The following ST8SIA2 variants were observed in gnomAD, a reference collection of about 807,000 sequenced individuals.
ST8SIA2 encodes the protein alpha-2,8-sialyltransferase 8B.
A neutral mutation model predicts 37.6 loss-of-function variants in ST8SIA2; 22 were observed. That is an observed-to-expected ratio of 0.58 (90% CI 0.42 to 0.83). The LOEUF is 0.83. Ranked by LOEUF, ST8SIA2 falls within the 40% of genes least tolerant of loss-of-function variation. The probability of loss-of-function intolerance (pLI) is 0.00; values close to 1 mark genes in which losing one functional copy is unlikely to be tolerated. For missense variants in ST8SIA2, 382 were observed against 484.7 expected (o/e 0.79, Z 1.99); for synonymous variants, 205 against 201.2 (o/e 1.02, Z -0.16).
intron 1 of ST8SIA2, among the ~76,000 whole-genome samples, chr15:92,417,214 C>G (rs990234449): frequency 1.3e-5 from 2 of 152,242 alleles, no homozygotes; most frequent in African/African-American, 4.8e-5. Flanking sequence ...CTCCAGTCCC[C>G]TCTGCCGGTG....
intron 1 of ST8SIA2, among the ~76,000 whole-genome samples, chr15:92,412,405 A>C (rs1375367088): frequency 6.6e-6 from 1 of 151,964 alleles, no homozygotes; most frequent in Non-Finnish European, 1.5e-5. Flanking sequence ...CAGGGCCTGG[A>C]AACATGGTAA....
intron 2 of ST8SIA2, among the ~76,000 whole-genome samples, chr15:92,431,627 G>A (rs1315394160): frequency 6.6e-6 from 1 of 152,152 alleles, no homozygotes; most frequent in East Asian, 1.9e-4. Context: ...TGGGGGAGGG[G>A]ACTGGAAACA....
At chr15:92,398,672 A>G (rs907433714) in intron 1 of ST8SIA2, among the ~76,000 whole-genome samples, 53 of 152,178 alleles carry the variant, frequency 3.5e-4, no homozygotes, top group Admixed American at 3.5e-3. Context: ...TACCATTTCT[A>G]TCCCCATTTA....
intron 2 of ST8SIA2, 50 bp from the exon 3 acceptor site, chr15:92,434,197 G>T (rs763784521): frequency 1.9e-6 from 3 of 1,611,576 alleles, no homozygotes; most frequent in Non-Finnish European, 2.5e-6. Context: ...ACTTGTCGTC[G>T]GCTTGCTAAC....
At chr15:92,437,097 C>A (rs776701538) in intron 3 of ST8SIA2, among the ~76,000 whole-genome samples, 5 of 152,202 alleles carry the variant, frequency 3.3e-5, no homozygotes, top group Admixed American at 2.0e-4. Flanking sequence ...GATGGGACAG[C>A]CATCCTGCAG....
At chr15:92,404,101 G>A (rs1422486123) in intron 1 of ST8SIA2, among the ~76,000 whole-genome samples, 1 of 152,312 alleles carries the variant, frequency 6.6e-6, no homozygotes, top group African/African-American at 2.4e-5. Context: ...ATGCCAGAAT[G>A]GCTCACTTAG....
At chr15:92,397,272 C>CT (rs879563555) in intron 1 of ST8SIA2, among the ~76,000 whole-genome samples, 10 of 151,978 alleles carry the variant, frequency 6.6e-5, no homozygotes, top group Non-Finnish European at 1.2e-4. Flanking sequence ...TTTTGATTCT[C>CT]TTTTTTTTAT....
intron 5 of ST8SIA2, among the ~76,000 whole-genome samples, chr15:92,463,687 G>A (rs914758029): frequency 3.3e-5 from 5 of 152,182 alleles, no homozygotes; most frequent in African/African-American, 1.2e-4. Context: ...GATTGTTGTG[G>A]CCCAAAAGCC....
intron 1 of ST8SIA2, among the ~76,000 whole-genome samples, chr15:92,412,156 G>T (rs952402226): frequency 5.9e-5 from 9 of 152,170 alleles, no homozygotes; most frequent in African/African-American, 1.9e-4. Context: ...AGGGCATACT[G>T]GCCTTGCCGG....
chr15:92,420,012 T>C (rs2141819566), intron 1 of ST8SIA2, among the ~76,000 whole-genome samples: 1 of 152,282 alleles, frequency 6.6e-6, no homozygotes, highest in East Asian at 1.9e-4. Flanking sequence ...ATTACAGGCG[T>C]GCACCACCAC....
Position 92,438,540 on chromosome 15 carries a change from G to T in ST8SIA2, c.478G>T (p.Val160Leu), listed in dbSNP as rs181334978. ...KNKHFGTCAIVGNSGVLLNSG... is the reference protein window; with the variant it reads ...KNKHFGTCAILGNSGVLLNSG... ...TAAGCACTTTGGGACTTGTGCCATC[G>T]TGGGCAACTCGGGGGTCTTGCTGAA... The change falls in exon 4 of 6, where the codon GTG becomes TTG. Residue 160 changes from valine (V) to leucine (L), a missense_variant. Transcript: ENST00000268164. The T allele has an allele frequency of 6.2e-7, 1 of 1,614,112 alleles. No homozygotes were observed. The highest frequency in any genetic ancestry group is 8.5e-7 in the Non-Finnish European group (1 of 1,180,012).
intron 1 of ST8SIA2, among the ~76,000 whole-genome samples, chr15:92,419,645 G>T (rs1348112057): frequency 1.3e-5 from 2 of 152,316 alleles, no homozygotes; most frequent in Admixed American, 1.3e-4. Context: ...TCGTTGTATA[G>T]TAGGGAGCTC....
Position 92,394,171 on chromosome 15 carries a change from C to A in ST8SIA2, c.98+9C>A, listed in dbSNP as rs766896523. 8 of 1,550,912 alleles carry A rather than the reference C, an allele frequency of 5.2e-6. No individual in the cohort carries two copies. In the South Asian group the frequency reaches 9.5e-5, roughly 18 times the overall value. On this transcript the variant is annotated intron_variant, in intron 1 of 5. Coordinates refer to ENST00000268164, the MANE Select transcript of ST8SIA2 (RefSeq NM_006011.4). Reference sequence around the variant, plus strand: ...ATCGAAGAAGAAATCGGGTAAATAGCTGCTCCCAGGCCCGTGCCACGAGCC... The same window carrying A: ...ATCGAAGAAGAAATCGGGTAAATAGATGCTCCCAGGCCCGTGCCACGAGCC...
intron 1 of ST8SIA2, among the ~76,000 whole-genome samples, chr15:92,404,813 T>G (rs201177747): frequency 7.0e-6 from 1 of 143,202 alleles, no homozygotes; most frequent in African/African-American, 2.6e-5. Flanking sequence ...CCAGCCTGGG[T>G]GACAGAGCAA....
At chr15:92,408,677 T>TA (rs1555451197) in intron 1 of ST8SIA2, among the ~76,000 whole-genome samples, 1 of 123,080 alleles carries the variant, frequency 8.1e-6, no homozygotes, top group Non-Finnish European at 1.7e-5. Context: ...GTTCCATTTT[T>TA]TTTATTTATT....
intron 5 of ST8SIA2, among the ~76,000 whole-genome samples, chr15:92,460,652 C>G (rs2049950962): frequency 6.6e-6 from 1 of 152,222 alleles, no homozygotes; most frequent in South Asian, 2.1e-4. Context: ...CAAACATCCC[C>G]GAGCCAGCAC....
intron 5 of ST8SIA2, among the ~76,000 whole-genome samples, chr15:92,450,196 C>T (rs770594621): frequency 2.0e-5 from 3 of 152,098 alleles, no homozygotes; most frequent in Non-Finnish European, 2.9e-5. Context: ...AAATACTATA[C>T]CTGATAAGGG....
chr15:92,416,821 G>A (rs2049590618), intron 1 of ST8SIA2, among the ~76,000 whole-genome samples: 1 of 152,168 alleles, frequency 6.6e-6, no homozygotes, highest in Non-Finnish European at 1.5e-5. Context: ...CCACTCCCCA[G>A]CAGGCCCCGC....
At chr15:92,451,056 A>T (rs1191094858) in intron 5 of ST8SIA2, among the ~76,000 whole-genome samples, 1 of 152,208 alleles carries the variant, frequency 6.6e-6, no homozygotes, top group African/African-American at 2.4e-5. Flanking sequence ...AGGGAATTGA[A>T]GGGGACAAAC....
Sources: allele counts gnomAD v4.1 joint callset (sites outside exome capture counted in the v4.1 genomes callset), GRCh38; gene constraint gnomAD v4.1.1; transcripts MANE v1.5; gene names NCBI Gene and HGNC (gene_info 2026-07-23, HGNC 2026-07-21).